The following ABCC4 variants were observed in gnomAD, a reference collection of about 807,000 sequenced individuals.
ABCC4 encodes the protein ATP binding cassette subfamily C member 4 (PEL blood group).
In ABCC4, 102 loss-of-function variants were observed where a neutral mutation model predicts 168.5. The observed-to-expected ratio is 0.61, with a 90% CI of 0.52 to 0.71. ABCC4 has a LOEUF of 0.71. Ranked by LOEUF, ABCC4 falls within the 30% of genes least tolerant of loss-of-function variation. The pLI is 0.00. For missense variants in ABCC4, 1,402 were observed against 1,605.8 expected (o/e 0.87, Z 2.17); for synonymous variants, 617 against 590.7 (o/e 1.04, Z -0.65).
intron 21 of ABCC4, among the ~76,000 whole-genome samples, chr13:95,082,567 C>T (rs556427664): frequency 1.3e-5 from 2 of 152,260 alleles, no homozygotes; most frequent in East Asian, 1.9e-4. Flanking sequence ...AAATGGAAAA[C>T]TGAAAATAAC....
intron 19 of ABCC4, among the ~76,000 whole-genome samples, chr13:95,128,468 T>G (rs932780329): frequency 1.3e-5 from 2 of 152,250 alleles, no homozygotes; most frequent in Non-Finnish European, 2.9e-5. Flanking sequence ...ATTCTGAATG[T>G]GTTCAGCTGC....
intron 24 of ABCC4, among the ~76,000 whole-genome samples, chr13:95,072,318 G>A (rs960452573): frequency 2.6e-4 from 39 of 152,052 alleles, no homozygotes; most frequent in African/African-American, 8.5e-4. Context: ...AAAATTAGCT[G>A]GGCGTGGTGC....
At chr13:95,025,265 C>CA in intron 30 of ABCC4, among the ~76,000 whole-genome samples, 1 of 61,430 alleles carries the variant, frequency 1.6e-5, no homozygotes, top group Admixed American at 1.6e-4. Flanking sequence ...ACACACACCC[C>CA]CACACCCCCA....
chr13:95,211,192 T>C (rs3782963), intron 4 of ABCC4, among the ~76,000 whole-genome samples: 115,205 of 152,106 alleles, frequency 0.76, 44,232 homozygotes, highest in Non-Finnish European at 0.84. Context: ...ATTAAACACA[T>C]GGGGCCTTAG....
chr13:95,290,997 C>CAAAAAAAA (rs762030761), intron 1 of ABCC4, among the ~76,000 whole-genome samples: 1 of 36,424 alleles, frequency 2.7e-5, no homozygotes, highest in African/African-American at 7.7e-5. Flanking sequence ...GACCCTGTCT[C>CAAAAAAAA]AAAAAAAAAA....
At chr13:95,200,792 A>G (rs539996209) in intron 8 of ABCC4, among the ~76,000 whole-genome samples, 1 of 152,306 alleles carries the variant, frequency 6.6e-6, no homozygotes, top group African/African-American at 2.4e-5. Context: ...TCCAAGGTGT[A>G]ATAATTTAGT....
intron 19 of ABCC4, among the ~76,000 whole-genome samples, chr13:95,149,754 T>C (rs538617896): frequency 1.7e-4 from 26 of 152,318 alleles, no homozygotes; most frequent in African/African-American, 6.0e-4. Flanking sequence ...TCCAATATCA[T>C]TGTGCGGAAC....
rs144645243 is a variant in ABCC4 at position 95,027,832 on chromosome 13, A to C, written c.3871-6150T>G. 6.5e-4 allele frequency among the ~76,000 whole-genome samples: 99 copies of C among 152,314 alleles called. 1 individual carries two copies. In the East Asian group the frequency reaches 7.7e-3, roughly 12 times the overall value. On this transcript the variant is annotated intron_variant, in intron 30 of 30. Coordinates refer to ENST00000645237, the MANE Select transcript of ABCC4 (RefSeq NM_005845.5). ...GCATAACATGACAGAACTAAGACAA[A>C]ACATACTTATAATCTCAATAAATGT...
intron 1 of ABCC4, among the ~76,000 whole-genome samples, chr13:95,253,051 T>C (rs9590216): frequency 0.26 from 40,171 of 152,048 alleles, 6,412 homozygotes; most frequent in East Asian, 0.5. Context: ...TATTCCTCAT[T>C]CAGTTTCCAC....
chr13:95,263,749 G>A (rs1411576485), intron 1 of ABCC4, among the ~76,000 whole-genome samples: 1 of 151,926 alleles, frequency 6.6e-6, no homozygotes, highest in African/African-American at 2.4e-5. Flanking sequence ...CTTGAACCCA[G>A]GAAGCAGAGG....
intron 3 of ABCC4, among the ~76,000 whole-genome samples, chr13:95,244,161 C>T (rs1392209821): frequency 1.3e-5 from 2 of 152,094 alleles, no homozygotes; most frequent in South Asian, 2.1e-4. Flanking sequence ...GACACCTTTA[C>T]GACAGTCTGG....
intron 13 of ABCC4, among the ~76,000 whole-genome samples, chr13:95,170,923 C>T (rs747184128): frequency 1.3e-5 from 2 of 151,922 alleles, no homozygotes; most frequent in Non-Finnish European, 2.9e-5. Context: ...TTTGACTTAA[C>T]TAAAACACTA....
chr13:95,093,514 A>G (rs2034500701), intron 20 of ABCC4, among the ~76,000 whole-genome samples: 1 of 152,212 alleles, frequency 6.6e-6, no homozygotes, highest in Admixed American at 6.5e-5. Flanking sequence ...TAAAACTCTC[A>G]GCAAAATCGG....
At chr13:95,267,708 G>A (rs755298654) in intron 1 of ABCC4, among the ~76,000 whole-genome samples, 9 of 152,166 alleles carry the variant, frequency 5.9e-5, no homozygotes, top group Non-Finnish European at 1.2e-4. Context: ...GGTCCCTGAT[G>A]GTTTACACTA....
chr13:95,089,520 A>C (rs2034364187), intron 20 of ABCC4, among the ~76,000 whole-genome samples: 1 of 152,170 alleles, frequency 6.6e-6, no homozygotes, highest in Non-Finnish European at 1.5e-5. Flanking sequence ...TGGGAGGCTG[A>C]GGCAGGAGAA....
chr13:95,182,249 G>A (rs564037999), intron 11 of ABCC4, among the ~76,000 whole-genome samples: 1 of 152,240 alleles, frequency 6.6e-6, no homozygotes, highest in Non-Finnish European at 1.5e-5. Context: ...GCAAATATGA[G>A]AAGAAATTAT....
chr13:95,028,571 T>A (rs1026583830), intron 30 of ABCC4, among the ~76,000 whole-genome samples: 1 of 152,208 alleles, frequency 6.6e-6, no homozygotes, highest in East Asian at 1.9e-4. Context: ...AAATAAACTA[T>A]GAGTGAAAGC....
chr13:95,168,005 C>T (rs779659765), intron 14 of ABCC4, among the ~76,000 whole-genome samples: 13 of 152,042 alleles, frequency 8.6e-5, no homozygotes, highest in Admixed American at 4.6e-4. Flanking sequence ...TAGCTGGGAT[C>T]ACAGGCAGCG....
chr13:95,241,737 G>A (rs1212248741), intron 3 of ABCC4, among the ~76,000 whole-genome samples: 1 of 151,256 alleles, frequency 6.6e-6, no homozygotes, highest in African/African-American at 2.4e-5. Context: ...TCTGACAATC[G>A]TTCCTAATCT....
Sources: allele counts gnomAD v4.1 joint callset (sites outside exome capture counted in the v4.1 genomes callset), GRCh38; gene constraint gnomAD v4.1.1; transcripts MANE v1.5; gene names NCBI Gene and HGNC (gene_info 2026-07-23, HGNC 2026-07-21).